Variants in PKHD1 observed in about 807,000 individuals in gnomAD.
The protein encoded by PKHD1 is fibrocystin.
A neutral mutation model predicts 412.0 loss-of-function variants in PKHD1; 291 were observed. That is an observed-to-expected ratio of 0.71 (90% CI 0.64 to 0.78). The LOEUF (loss-of-function observed/expected upper bound fraction) is 0.78. Among genes scored for constraint, PKHD1 ranks in the 30% least tolerant of loss-of-function variants. The probability of loss-of-function intolerance (pLI) is 0.00; values close to 1 mark genes in which losing one functional copy is unlikely to be tolerated. For synonymous variants in PKHD1, 1,777 were observed against 1,821.5 expected (o/e 0.98, Z 0.62); for missense variants, 4,825 against 4,950.7 (o/e 0.97, Z 0.76).
At chr6:51,813,151 G>A (rs1764949460) in intron 52 of PKHD1, among the ~76,000 whole-genome samples, 1 of 152,110 alleles carries the variant, frequency 6.6e-6, no homozygotes, top group Admixed American at 6.6e-5. Flanking sequence ...CTGTGTCACA[G>A]GACATGGTCC....
At chr6:51,969,606 G>A (rs1336234269) in intron 35 of PKHD1, among the ~76,000 whole-genome samples, 1 of 152,026 alleles carries the variant, frequency 6.6e-6, no homozygotes, top group African/African-American at 2.4e-5. Context: ...CTATATCCAT[G>A]TGTACACATT....
chr6:51,692,875 T>C (rs1315826791), intron 60 of PKHD1, among the ~76,000 whole-genome samples: 1 of 152,196 alleles, frequency 6.6e-6, no homozygotes, highest in East Asian at 1.9e-4. Context: ...TCAGTAATGT[T>C]ATTAGAGGCC....
chr6:51,842,360 G>A (rs1431811851), intron 50 of PKHD1, among the ~76,000 whole-genome samples: 3 of 152,168 alleles, frequency 2.0e-5, no homozygotes, highest in Non-Finnish European at 2.9e-5. Flanking sequence ...GCTAGGGGAA[G>A]GGGCTGTGTT....
intron 48 of PKHD1, among the ~76,000 whole-genome samples, chr6:51,866,944 A>G (rs540843001): frequency 1.3e-4 from 20 of 152,246 alleles, no homozygotes; most frequent in Non-Finnish European, 2.5e-4. Context: ...AAAATGAAAA[A>G]TTTCCAGACT....
intron 36 of PKHD1, among the ~76,000 whole-genome samples, chr6:51,945,247 A>G (rs1323062071): frequency 6.6e-6 from 1 of 152,242 alleles, no homozygotes; most frequent in Non-Finnish European, 1.5e-5. Context: ...CATTGTAAAT[A>G]GTCAGGAAAT....
chr6:51,946,309 G>A (rs1439975295), intron 36 of PKHD1, among the ~76,000 whole-genome samples: 7 of 152,136 alleles, frequency 4.6e-5, no homozygotes. Context: ...CGCTTTATTA[G>A]TGGCAAATAT....
intron 35 of PKHD1, among the ~76,000 whole-genome samples, chr6:51,973,105 A>G (rs942173899): frequency 2.6e-5 from 4 of 152,242 alleles, no homozygotes; most frequent in African/African-American, 9.6e-5. Context: ...TTAAAAATAA[A>G]CCATCCAAAA....
At chr6:51,664,142 A>G (rs978158294) in intron 60 of PKHD1, among the ~76,000 whole-genome samples, 2 of 152,122 alleles carry the variant, frequency 1.3e-5, no homozygotes, top group African/African-American at 2.4e-5. Flanking sequence ...AAAGAGGCCC[A>G]TTATTACTTA....
chr6:51,693,542 T>C (rs927986640), intron 60 of PKHD1, among the ~76,000 whole-genome samples: 1 of 152,218 alleles, frequency 6.6e-6, no homozygotes, highest in Admixed American at 6.5e-5. Context: ...TTTTTATCTC[T>C]ATCAAGATGT....
intron 60 of PKHD1, among the ~76,000 whole-genome samples, chr6:51,729,246 C>T (rs1033037293): frequency 2.0e-5 from 3 of 152,218 alleles, no homozygotes; most frequent in Admixed American, 6.5e-5. Context: ...TTCAGTCATA[C>T]TGGAAGTCCT....
chr6:51,897,824 C>A (rs1780391393), intron 43 of PKHD1, among the ~76,000 whole-genome samples: 1 of 146,140 alleles, frequency 6.8e-6, no homozygotes, highest in Non-Finnish European at 1.5e-5. Context: ...GGAAGATCTA[C>A]CAAGCAAATG....
chr6:52,062,768 A>C, intron 13 of PKHD1, 108 bp from the exon 14 acceptor site: 2 of 1,345,718 alleles, frequency 1.5e-6, no homozygotes, highest in Non-Finnish European at 2.1e-6. Context: ...GCTACCTGTA[A>C]AGGTAAGTCA....
At position 51,629,406 on chromosome 6, in the gene PKHD1, G is replaced by T. The variant is rs528118375; in HGVS notation, c.11666-2290C>A. 4.0e-5 allele frequency among the ~76,000 whole-genome samples: 6 copies of T among 151,826 alleles called. No individual in the cohort carries two copies. In the South Asian group the frequency reaches 8.3e-4, roughly 21 times the overall value. On this transcript the variant is annotated intron_variant, in intron 65 of 66. Transcript: ENST00000371117. ...CATTTAAAAAAAATGGGCAAAGGAC[G>T]TGAACAGACACTTCTCAAAAGAAGA...
chr6:51,636,189 T>A (rs185809768), intron 64 of PKHD1, among the ~76,000 whole-genome samples: 1 of 152,286 alleles, frequency 6.6e-6, no homozygotes, highest in Admixed American at 6.5e-5. Context: ...ATAGGAATAA[T>A]AATTTGTTTT....
chr6:51,690,432 G>T (rs1286522434), intron 60 of PKHD1, among the ~76,000 whole-genome samples: 2 of 152,250 alleles, frequency 1.3e-5, no homozygotes, highest in African/African-American at 4.8e-5. Context: ...CAGGCCTATA[G>T]TAATCAAAAC....
Position 51,747,952 on chromosome 6 carries a change from G to A in PKHD1, c.9664C>T (p.His3222Tyr). 2 of 1,614,034 alleles carry A rather than the reference G, an allele frequency of 1.2e-6. No homozygotes were observed. Among genetic ancestry groups the A allele is most frequent in the Non-Finnish European group, 1.7e-6 (2 of 1,179,974 alleles). Residue 3222 changes from histidine (H) to tyrosine (Y), a missense_variant, in exon 58 of 67, where the codon CAC (histidine) becomes TAC (tyrosine). Transcript: ENST00000371117. ...FDCIQDKVKP[H>Y]SANLTSTDRA... ...TCTGTTGATGTCAAGTTGGCTGAGT[G>A]CGGCTTCACTTTGTCCTGAATGCAG...
At position 51,975,963 on chromosome 6, in the gene PKHD1, T is replaced by TGAAAAAAAAAAAAAAAAA. The variant is rs1231391714; in HGVS notation, c.5752-15938_5752-15937insTTTTTTTTTTTTTTTTTC. 2.1e-4 allele frequency: 15 copies of TGAAAAAAAAAAAAAAAAA among 69,776 alleles called. 2 individuals are homozygous for TGAAAAAAAAAAAAAAAAA. Among genetic ancestry groups the TGAAAAAAAAAAAAAAAAA allele is most frequent in the African/African-American group, 8.1e-4 (15 of 18,508 alleles). The allele number at this position is 69,776 out of a possible 1,614,324, so 4.3% of individuals were successfully genotyped here. ...AACATAGCGAGACCCTTTCTCTAAT[T>TGAAAAAAAAAAAAAAAAA]AAAAAAAAAAAAAAAAAAAAAAAAA... On this transcript the variant is annotated intron_variant, in intron 35 of 66. Transcript: ENST00000371117.
At chr6:51,737,789 T>C (rs750402094) in intron 60 of PKHD1, among the ~76,000 whole-genome samples, 2 of 152,022 alleles carry the variant, frequency 1.3e-5, no homozygotes, top group Non-Finnish European at 2.9e-5. Context: ...CATCTATTGA[T>C]TCAAAATCTC....
chr6:52,042,337 C>T (rs1283085074), intron 27 of PKHD1, among the ~76,000 whole-genome samples: 2 of 152,184 alleles, frequency 1.3e-5, no homozygotes, highest in Non-Finnish European at 1.5e-5. Flanking sequence ...AGGAAAAGGG[C>T]TTTATGCTCT....
Sources: allele counts gnomAD v4.1 joint callset (sites outside exome capture counted in the v4.1 genomes callset), GRCh38; gene constraint gnomAD v4.1.1; transcripts MANE v1.5; gene names NCBI Gene and HGNC (gene_info 2026-07-23, HGNC 2026-07-21).